Variants in KRT10 observed in about 807,000 individuals in gnomAD.
KRT10 encodes keratin, type I cytoskeletal 10.
A neutral mutation model predicts 59.2 loss-of-function variants in KRT10; 40 were observed. The observed-to-expected ratio is 0.68, with a 90% confidence interval of 0.52 to 0.88. The LOEUF (loss-of-function observed/expected upper bound fraction) is 0.88. KRT10 is among the 40% of genes least tolerant of loss of function. The pLI, the probability that KRT10 is intolerant of heterozygous loss-of-function variation, is 0.00. For missense variants in KRT10, 719 were observed against 749.1 expected, an observed-to-expected ratio of 0.96 and a Z score of 0.47; for synonymous variants, 336 against 310.7, an observed-to-expected ratio of 1.08 and a Z score of -0.86.
At position 40,818,329 on chromosome 17, in the gene KRT10, G is replaced by T. The variant is rs112791986; in HGVS notation, c.*147C>A. ...TGGAGACTTTGTTTTCCATGCATCT[G>T]TAAATAATGGTCTGTGTGAAGGGAG... On this transcript the variant is annotated 3_prime_UTR_variant, in exon 8 of 8. Transcript: ENST00000269576. The T allele has an allele frequency of 8.0e-5, 87 of 1,084,062 alleles. 2 individuals are homozygous for T. The African/African-American group carries it at 1.0e-3, about 13-fold the overall frequency. The allele number at this position is 1,084,062 out of a possible 1,614,324, so 67.2% of individuals were successfully genotyped here. A position where few individuals can be genotyped will look rare whatever the true frequency, so the allele number is the denominator to read the frequency against.
rs1262663599 is a variant in KRT10, at chr17:40,819,509, AAATT to A, written c.1373+4_1373+7del. On this transcript the variant is annotated splice_donor_5th_base_variant and intron_variant, in intron 6 of 7. Transcript: ENST00000269576. ...GAAACTGGGATAACTTTTCATTTTA[AAATT>A]TACCTTCCCTCTCCTTCTAGCAGGC... 15 of 1,611,138 alleles carry A rather than the reference AAATT, an allele frequency of 9.3e-6. No individual in the cohort carries two copies. The highest frequency in any genetic ancestry group is 1.3e-5 in the Non-Finnish European group (15 of 1,177,256).
Position 40,820,150 on chromosome 17 carries a change from C to T in KRT10, c.1054G>A (p.Asp352Asn). The change falls in exon 5 of 8, where the codon GAT (aspartate) becomes AAT (asparagine). Residue 352 changes from aspartate to asparagine, a missense_variant. Asp to Asn is a conservative substitution (Grantham distance 23). Transcript: ENST00000269576. The part of the protein sequence containing the change: ...EKSKELTTEI[D>N]NNIEQISSYK... ...CTGGATATCTGTTCAATGTTATTAT[C>T]AATTTCTGTAGTCAGTTCCTTGCTC... 1.2e-6 allele frequency: 2 copies of T among 1,613,966 alleles called. No individual in the cohort carries two copies. The highest frequency in any genetic ancestry group is 1.7e-6 in the Non-Finnish European group (2 of 1,179,918).
Position 40,818,673 on chromosome 17 carries a change from G to A in KRT10, c.1748+114C>T, listed in dbSNP as rs1460261770. 7.9e-6 allele frequency: 12 copies of A among 1,525,604 alleles called. No individual in the cohort carries two copies. In the Admixed American group the frequency reaches 2.0e-4, roughly 26 times the overall value. The allele number at this position is 1,525,604 out of a possible 1,614,324, so 94.5% of individuals were successfully genotyped here. On this transcript the variant is annotated intron_variant, in intron 7 of 7. Coordinates refer to ENST00000269576, the MANE Select transcript of KRT10 (RefSeq NM_000421.5). ...GAGTAGTTTGTGAACAAATGCAAAC[G>A]GAACCGTCTCTAAGATTTTTAATTT...
At position 40,822,462 on chromosome 17, in the gene KRT10, A is replaced by G. The variant is rs1267227135; in HGVS notation, c.124T>C (p.Ser42Pro). 35 of 1,613,546 alleles carry G rather than the reference A, an allele frequency of 2.2e-5. No individual in the cohort carries two copies. The highest frequency in any genetic ancestry group is 3.0e-5 in the Non-Finnish European group (35 of 1,179,922). The change falls in exon 1 of 8, where the codon TCC (serine) becomes CCC (proline). Residue 42 changes from serine to proline, a missense_variant. Ser to Pro is a moderately conservative substitution (Grantham distance 74). Coordinates refer to ENST00000269576, the MANE Select transcript of KRT10 (RefSeq NM_000421.5). ...SSLRISSSKG[S>P]LGGGFSSGGF... ...CCTGAGCTAAATCCTCCACCAAGGG[A>G]GCCTTTGCTGCTAGAAATTCTTAGG...
In KRT10 at chr17:40,821,372, A is replaced by G. The variant is rs552556781; in HGVS notation, c.628-255T>C. Among the ~76,000 whole-genome samples, 220 of 152,324 alleles carry G rather than the reference A, an allele frequency of 1.4e-3. 2 individuals carry two copies. The highest frequency in any genetic ancestry group is 2.5e-3 in the Non-Finnish European group (168 of 68,034). ...AAACTAACTGGAATTATATAGATGT[A>G]TTCCTGTAAGTGTGCCCTCCTCTTT... On this transcript the variant is annotated intron_variant, in intron 1 of 7. Transcript: ENST00000269576.
rs1377740031 is a variant in KRT10, at chr17:40,818,703, A to C, written c.1748+84T>G. The C allele has an allele frequency of 1.4e-5, 22 of 1,590,326 alleles. No individual in the cohort carries two copies. The Admixed American group carries it at 2.0e-4, about 15-fold the overall frequency. On this transcript the variant is annotated intron_variant, in intron 7 of 7. Transcript: ENST00000269576. ...CGTCTCTAAGATTTTTAATTTTTTA[A>C]AACAACTCTAGAGCTTAAAGCGCAA...
Position 40,822,574 on chromosome 17 carries a change from T to G in KRT10, c.12A>C (p.Arg4=). The G allele has an allele frequency of 4.4e-6, 7 of 1,601,702 alleles. No homozygotes were observed. Among genetic ancestry groups the G allele is most frequent in the Non-Finnish European group, 5.9e-6 (7 of 1,179,934 alleles). Residue 4 remains arginine (R), a synonymous_variant, in exon 1 of 8, where the codon CGA becomes CGC. Coordinates refer to ENST00000269576, the MANE Select transcript of KRT10 (RefSeq NM_000421.5). The part of the protein sequence containing the change: MSV[R]YSSSKHYSSS... Reference sequence around the variant, plus strand: ...AAGAGTAGTGCTTGCTTGAGCTGTATCGAACAGACATGGTGATGCTGTTTA... The same window carrying G: ...AAGAGTAGTGCTTGCTTGAGCTGTAGCGAACAGACATGGTGATGCTGTTTA...
chr17:40,820,946 G>A (rs1212370086), intron 2 of KRT10, 89 bp downstream of exon 2: 1 of 1,096,026 alleles, frequency 9.1e-7, no homozygotes, highest in Non-Finnish European at 1.4e-6. Context: ...TCAGAAAAAT[G>A]TAAATGTTAT....
rs1905472558 is a variant in KRT10 at position 40,822,417 on chromosome 17, A to C, written c.169T>G (p.Phe57Val). ...CCCCCACCAGAGCTCCCACGGCTAA[A>C]AGAGCCACCACTGAACCCCCCTGAG... Reference protein sequence around the residue: ...FSSGGFSGGSFSRGSSGGGCF... With the variant: ...FSSGGFSGGSVSRGSSGGGCF... The change falls in exon 1 of 8, where the codon TTT becomes GTT. Residue 57 changes from phenylalanine (F) to valine (V), a missense_variant. Physicochemically the swap from Phe to Val is conservative, Grantham distance 50 (BLOSUM62 -1). Transcript: ENST00000269576. 1 of 1,613,424 alleles carries C rather than the reference A, an allele frequency of 6.2e-7. No homozygotes were observed. The highest frequency in any genetic ancestry group is 8.5e-7 in the Non-Finnish European group (1 of 1,179,704).
chr17:40,819,883 A>G (rs1905268298), intron 5 of KRT10, 149 bp from the exon 6 acceptor site: 1 of 1,119,280 alleles, frequency 8.9e-7, no homozygotes, highest in South Asian at 1.3e-5. Flanking sequence ...CAGTTTCAGC[A>G]CTTTTAGATC....
Position 40,818,917 on chromosome 17 carries a change from C to CCCCGTA in KRT10, c.1617_1618insTACGGG (p.Gly539_Gly540insTyrGly). 1.4e-6 allele frequency: 2 copies of CCCCGTA among 1,394,310 alleles called. No homozygotes were observed. Among genetic ancestry groups the CCCCGTA allele is most frequent in the Admixed American group, 2.6e-5 (1 of 39,146 alleles). The allele number at this position is 1,394,310 out of a possible 1,614,324, so 86.4% of individuals were successfully genotyped here. A position where few individuals can be genotyped will look rare whatever the true frequency, so the allele number is the denominator to read the frequency against. On this transcript the variant is annotated inframe_insertion, in exon 7 of 8. Transcript: ENST00000269576. ...CCGGAGCTGCCGCCCCCGTAGCCGC[C>CCCCGTA]GCCGCCGCCGCCGGAACTGCCACCA...
At chr17:40,819,242 A>G in intron 6 of KRT10, 81 bp from the exon 7 acceptor site, 1 of 1,583,602 alleles carries the variant, frequency 6.3e-7, no homozygotes, top group South Asian at 1.1e-5. Flanking sequence ...TAATTTAGAA[A>G]ATAAGCAAAA....
Position 40,819,179 on chromosome 17 carries a change from A to T in KRT10, c.1374-18T>A. 1 of 1,593,810 alleles carries T rather than the reference A, an allele frequency of 6.3e-7. No individual in the cohort carries two copies. The highest frequency in any genetic ancestry group is 8.5e-7 in the Non-Finnish European group (1 of 1,178,084). ...CTCCGGAACTAAACGGGGTGAGGTC[A>T]CATTCGGTTATCTCTAACGTTGGAA... is the stretch of plus-strand genomic sequence containing the variant. On this transcript the variant is annotated intron_variant, in intron 6 of 7. Coordinates refer to ENST00000269576, the MANE Select transcript of KRT10 (RefSeq NM_000421.5).
chr17:40,818,619 A>G, intron 7 of KRT10, 137 bp from the exon 8 acceptor site: 1 of 1,304,264 alleles, frequency 7.7e-7, no homozygotes, highest in Non-Finnish European at 1.1e-6. Flanking sequence ...TGACATTTTG[A>G]TCATGCCATT....
At position 40,820,585 on chromosome 17, in the gene KRT10, T is replaced by A; in HGVS notation, c.793A>T (p.Thr265Ser). 6.2e-7 allele frequency: 1 copy of A among 1,614,228 alleles called. No homozygotes were observed. Among genetic ancestry groups the A allele is most frequent in the Non-Finnish European group, 8.5e-7 (1 of 1,180,048 alleles). The change falls in exon 3 of 8, where the codon ACC becomes TCC. Residue 265 changes from threonine to serine, a missense_variant. Physicochemically the swap from Thr to Ser is moderately conservative, Grantham distance 58. This residue lies in a region of KRT10 where 221 missense variants were observed against 277.8 expected (regional missense o/e 0.80). Transcript: ENST00000269576. ...LRRVLDELTL[T>S]KADLEMQIES... is the part of the protein sequence containing the mutation. Reference sequence around the variant, plus strand: ...ATTTGCATCTCCAGGTCAGCCTTGGTCAGGGTCAGCTCATCCAGCACCCTA... The same window carrying A: ...ATTTGCATCTCCAGGTCAGCCTTGGACAGGGTCAGCTCATCCAGCACCCTA...
At position 40,821,746 on chromosome 17, in the gene KRT10, C is replaced by T. The variant is rs569546855; in HGVS notation, c.627+213G>A. ...CCTCAAAAGTGCTTAGTAAATCTCCCATCCTCTTAAGACAAGTAGCACACT... is the reference window on the plus strand; with the variant it reads ...CCTCAAAAGTGCTTAGTAAATCTCCTATCCTCTTAAGACAAGTAGCACACT... On this transcript the variant is annotated intron_variant, in intron 1 of 7. Coordinates refer to ENST00000269576, the MANE Select transcript of KRT10 (RefSeq NM_000421.5). 7.2e-5 allele frequency among the ~76,000 whole-genome samples: 11 copies of T among 152,182 alleles called. No homozygotes were observed. The South Asian group carries it at 2.1e-3, about 29-fold the overall frequency.
chr17:40,819,408 T>G (rs1308053963), intron 6 of KRT10, 109 bp downstream of exon 6: 1 of 1,291,878 alleles, frequency 7.7e-7, no homozygotes, highest in African/African-American at 1.5e-5. Flanking sequence ...CTCTACCCTC[T>G]CTCCTCCCTT....
intron 1 of KRT10, 66 bp from the exon 2 acceptor site, chr17:40,821,183 G>T: frequency 9.1e-7 from 1 of 1,103,602 alleles, no homozygotes; most frequent in Non-Finnish European, 1.4e-6. Flanking sequence ...TAGTGACATA[G>T]ATGCACTCTG....
intron 6 of KRT10, 129 bp downstream of exon 6, chr17:40,819,388 T>G (rs555838247): frequency 4.9e-4 from 618 of 1,264,210 alleles, no homozygotes; most frequent in Non-Finnish European, 6.8e-4. Flanking sequence ...TGCGTACTCC[T>G]TTTTCTGTAC....
Sources: gnomAD v4.1 joint callset for allele counts (sites outside exome capture counted in the v4.1 genomes callset) on GRCh38, gnomAD v4.1.1 for gene constraint, gnomAD v4.1.1 regional missense constraint, MANE v1.5 for transcripts, NCBI Gene and HGNC (gene_info 2026-07-23, HGNC 2026-07-21) for gene names.